The following NADK variants were observed in gnomAD, a reference collection of about 807,000 sequenced individuals.
The protein encoded by NADK is NAD kinase.
Under a neutral mutation model 49.8 loss-of-function variants are expected in NADK, and 22 were observed. That is an observed-to-expected ratio of 0.44 (90% CI 0.32 to 0.63). NADK has a LOEUF of 0.63. Among genes scored for constraint, NADK ranks in the 30% least tolerant of loss-of-function variants. NADK has a pLI of 0.06. For synonymous variants in NADK, 268 were observed against 253.7 expected, an observed-to-expected ratio of 1.06 and a Z score of -0.54; for missense variants, 438 against 609.4, an observed-to-expected ratio of 0.72 and a Z score of 2.96.
intron 4 of NADK, 149 bp downstream of exon 4, chr1:1,757,032 G>T: frequency 1.6e-6 from 2 of 1,231,694 alleles, no homozygotes; most frequent in African/African-American, 1.5e-5. Context: ...CAGACACCCG[G>T]CAGATCCCCA....
chr1:1,759,836 G>A (rs753484022), intron 3 of NADK: 55 of 1,551,236 alleles, frequency 3.5e-5, no homozygotes, highest in Non-Finnish European at 4.4e-5. Flanking sequence ...CGGTGACCCC[G>A]CCCTGGCCCG....
At chr1:1,771,944 A>T (rs982171789) in intron 1 of NADK, among the ~76,000 whole-genome samples, 4 of 150,720 alleles carry the variant, frequency 2.7e-5, no homozygotes, top group Non-Finnish European at 5.9e-5. Flanking sequence ...AGTAGCTGGG[A>T]TTACAGGCAT....
At chr1:1,766,729 C>T (rs1383962383) in intron 1 of NADK, among the ~76,000 whole-genome samples, 1 of 151,176 alleles carries the variant, frequency 6.6e-6, no homozygotes, top group East Asian at 1.9e-4. Context: ...CTCAGCCTTC[C>T]AAGTAGCTGG....
chr1:1,755,141 G>A (rs1645473429), intron 7 of NADK, among the ~76,000 whole-genome samples: 1 of 151,420 alleles, frequency 6.6e-6, no homozygotes, highest in Non-Finnish European at 1.5e-5. Context: ...CCTTCTGAGA[G>A]TGAGAATCAG....
chr1:1,777,711 CG>C (rs1367427555), intron 1 of NADK, among the ~76,000 whole-genome samples: 4 of 152,024 alleles, frequency 2.6e-5, no homozygotes, highest in Non-Finnish European at 5.9e-5. Flanking sequence ...AGAAAAAAAA[CG>C]ACGACCTAGA....
chr1:1,759,900 G>T lies in NADK; in HGVS notation c.263+2052C>A, dbSNP rs923595740. 1.9e-6 allele frequency: 3 copies of T among 1,550,500 alleles called. No individual in the cohort carries two copies. In the African/African-American group the frequency reaches 4.1e-5, roughly 21 times the overall value. ...CTGAGATGCGAGTGACAAAGGAGTG[G>T]CTCTGCCAGGACCAGGAAGTGCAGG... On this transcript the variant is annotated intron_variant, in intron 3 of 11. Transcript: ENST00000341426.
chr1:1,775,307 A>G (rs1212528292), intron 1 of NADK, among the ~76,000 whole-genome samples: 1 of 152,198 alleles, frequency 6.6e-6, no homozygotes, highest in Non-Finnish European at 1.5e-5. Flanking sequence ...GTTCCCATGT[A>G]AGAACTCAAT....
intron 1 of NADK, among the ~76,000 whole-genome samples, chr1:1,773,725 T>A (rs373442461): frequency 0.68 from 89,332 of 131,508 alleles, 31,626 homozygotes; most frequent in Non-Finnish European, 0.79. Context: ...TGTGTGTGTG[T>A]GTGTGAGAGA....
chr1:1,771,300 T>C (rs1321161893), intron 1 of NADK, among the ~76,000 whole-genome samples: 3 of 152,022 alleles, frequency 2.0e-5, no homozygotes, highest in Non-Finnish European at 4.4e-5. Flanking sequence ...GGACTCAATA[T>C]TGAGATCTTA....
intron 2 of NADK, among the ~76,000 whole-genome samples, chr1:1,764,178 T>C (rs1034471085): frequency 6.6e-6 from 1 of 152,176 alleles, no homozygotes; most frequent in East Asian, 1.9e-4. Context: ...CCCATCTCAC[T>C]GGGTAAGACA....
chr1:1,776,187 G>A (rs1437325939), intron 1 of NADK, among the ~76,000 whole-genome samples: 1 of 152,102 alleles, frequency 6.6e-6, no homozygotes, highest in African/African-American at 2.4e-5. Flanking sequence ...TTCCTCAAGC[G>A]TGAAGCTCAA....
At chr1:1,779,232 A>C (rs1646303379), upstream of NADK, 1 of 152,430 alleles carries the variant, frequency 6.6e-6, no homozygotes, top group African/African-American at 2.4e-5. Context: ...TGCGCACCCC[A>C]CAGGCTGGAG....
chr1:1,756,389 C>G (rs34258219), intron 5 of NADK, 46 bp from the exon 6 acceptor site: 1 of 1,604,752 alleles, frequency 6.2e-7, no homozygotes, highest in African/African-American at 1.3e-5. Context: ...CACACAGTGG[C>G]CCCTCTGTGG....
At chr1:1,779,891 C>G (rs1391096479), upstream of NADK, 1 of 152,268 alleles carries the variant, frequency 6.6e-6, no homozygotes, top group African/African-American at 2.4e-5. Flanking sequence ...CAGCCCTTCC[C>G]CACACCCGCA....
chr1:1,758,976 T>A, intron 3 of NADK: 1 of 1,265,518 alleles, frequency 7.9e-7, no homozygotes, highest in Non-Finnish European at 1.1e-6. Flanking sequence ...GCCCGCTGCG[T>A]CACTCTGCTT....
At chr1:1,758,088 AG>A (rs1645587671) in intron 3 of NADK, among the ~76,000 whole-genome samples, 1 of 152,194 alleles carries the variant, frequency 6.6e-6, no homozygotes, top group African/African-American at 2.4e-5. Context: ...CCAGAAGCCA[AG>A]GGAGGGCGCA....
chr1:1,760,556 C>T (rs1262731126), intron 3 of NADK, among the ~76,000 whole-genome samples: 1 of 152,224 alleles, frequency 6.6e-6, no homozygotes, highest in Non-Finnish European at 1.5e-5. Context: ...CCCCGTATCA[C>T]ACGGCCGCAT....
At chr1:1,769,046 TAA>T (rs1054539736) in intron 1 of NADK, among the ~76,000 whole-genome samples, 4 of 152,226 alleles carry the variant, frequency 2.6e-5, no homozygotes, top group African/African-American at 7.2e-5. Flanking sequence ...ACCGGCACTT[TAA>T]AAGAGCTCCC....
chr1:1,779,760 A>C (rs1646317917), upstream of NADK: 1 of 152,348 alleles, frequency 6.6e-6, no homozygotes, highest in African/African-American at 2.4e-5. Flanking sequence ...CTCCCAAAGT[A>C]CTAGGATTAT....
Sources: allele counts gnomAD v4.1 joint callset (sites outside exome capture counted in the v4.1 genomes callset), GRCh38; gene constraint gnomAD v4.1.1; transcripts MANE v1.5; gene names NCBI Gene and HGNC (gene_info 2026-07-23, HGNC 2026-07-21).